C5orf24: variants seen among roughly 807,000 people sequenced by gnomAD.
C5orf24 encodes UPF0461 protein C5orf24.
In C5orf24, 4 loss-of-function variants were observed where a neutral mutation model predicts 9.8. The ratio of observed to expected loss-of-function variants is 0.41; its 90% CI spans 0.20 to 0.93. C5orf24 has a LOEUF of 0.93. C5orf24 is among the 40% of genes least tolerant of loss of function. The pLI, the probability that C5orf24 is intolerant of heterozygous loss-of-function variation, is 0.33. For missense variants in C5orf24, 170 were observed against 236.9 expected (o/e 0.72, Z 1.85); for synonymous variants, 73 against 81.3 (o/e 0.90, Z 0.55).
chr5:134,842,494 GAA>G (rs34006309), upstream of C5orf24, among the ~76,000 whole-genome samples: 6 of 128,260 alleles, frequency 4.7e-5, no homozygotes, highest in East Asian at 4.4e-4. Flanking sequence ...GACTCCATCT[GAA>G]AAAAAAAAAA....
chr5:134,854,476 CAGG>C lies in C5orf24; in HGVS notation c.-3-418_-3-416del, dbSNP rs1197865385. Among the ~76,000 whole-genome samples, 6 of 152,184 alleles carry C rather than the reference CAGG, an allele frequency of 3.9e-5. No homozygotes were observed. The East Asian group carries it at 5.8e-4, about 15-fold the overall frequency. On this transcript the variant is annotated intron_variant, in intron 1 of 1. Coordinates refer to ENST00000394976, the MANE Select transcript of C5orf24 (RefSeq NM_001135586.1). ...TGTGAGAAATACAATAAAAGGCCAA[CAGG>C]AGGCATTCTAAGAACATCAGGCAAA...
the C5orf24 span, among the ~76,000 whole-genome samples, chr5:134,838,193 A>C: frequency 6.6e-6 from 1 of 152,192 alleles, no homozygotes; most frequent in Non-Finnish European, 1.5e-5. Flanking sequence ...TTATATAATC[A>C]CTATTTATCA....
At chr5:134,841,627 T>C (rs945181116), upstream of C5orf24, among the ~76,000 whole-genome samples, 1 of 152,130 alleles carries the variant, frequency 6.6e-6, no homozygotes, top group Non-Finnish European at 1.5e-5. Flanking sequence ...ATTATCCTCA[T>C]GTGTTGTAAG....
At chr5:134,844,537 ATCTC>A (rs1755945506), upstream of C5orf24, among the ~76,000 whole-genome samples, 1 of 151,948 alleles carries the variant, frequency 6.6e-6, no homozygotes, top group Admixed American at 6.6e-5. Context: ...TAGAGACAGA[ATCTC>A]TCTATATTGT....
At chr5:134,845,841 C>G (rs1018663479), upstream of C5orf24, 2 of 152,318 alleles carry the variant, frequency 1.3e-5, no homozygotes, top group Non-Finnish European at 2.9e-5. Context: ...CCACGACGCG[C>G]AAGCGCAGCC....
chr5:134,847,938 A>G (rs1446081882), intron 1 of C5orf24, among the ~76,000 whole-genome samples: 1 of 152,164 alleles, frequency 6.6e-6, no homozygotes, highest in African/African-American at 2.4e-5. Context: ...CCCGACCTCA[A>G]CTGATCTGCC....
rs1213991421 is a variant in C5orf24 at position 134,846,204 on chromosome 5, G to C, written c.-12G>C. 3.9e-5 allele frequency: 6 copies of C among 152,312 alleles called. No homozygotes were observed. Among genetic ancestry groups the C allele is most frequent in the African/African-American group, 1.4e-4 (6 of 41,436 alleles). 9.4% of individuals were successfully genotyped at this position (152,312 alleles called of 1,614,324 possible). A position where few individuals can be genotyped will look rare whatever the true frequency, so the allele number is the denominator to read the frequency against. On this transcript the variant is annotated 5_prime_UTR_variant, in exon 1 of 2. Transcript: ENST00000394976. ...GACGCGCCGAGGGGCCGGGCTACGA[G>C]CGGCTGAGGTAGGTAGGGGTGCGCG... is the stretch of plus-strand genomic sequence containing the variant.
At chr5:134,833,905 A>G in the C5orf24 span, among the ~76,000 whole-genome samples, 55 of 152,302 alleles carry the variant, frequency 3.6e-4, no homozygotes, top group Non-Finnish European at 6.3e-4. Flanking sequence ...AAATATGGCA[A>G]CAACTTACAG....
chr5:134,843,957 A>G (rs957513678), upstream of C5orf24, among the ~76,000 whole-genome samples: 1 of 152,220 alleles, frequency 6.6e-6, no homozygotes, highest in Admixed American at 6.5e-5. Context: ...TGGTGGAGCA[A>G]TGACTTGCCC....
upstream of C5orf24, among the ~76,000 whole-genome samples, chr5:134,841,914 A>T (rs549036725): frequency 6.6e-6 from 1 of 152,328 alleles, no homozygotes; most frequent in East Asian, 1.9e-4. Context: ...CACCTTATAG[A>T]GTCAAGTGGA....
At chr5:134,834,754 CAAAA>C in the C5orf24 span, among the ~76,000 whole-genome samples, 1 of 151,594 alleles carries the variant, frequency 6.6e-6, no homozygotes, top group Admixed American at 6.6e-5. Flanking sequence ...CTGTCTCTAT[CAAAA>C]CTACAAGGCC....
chr5:134,852,172 C>T (rs1404214005), intron 1 of C5orf24, among the ~76,000 whole-genome samples: 1 of 152,216 alleles, frequency 6.6e-6, no homozygotes, highest in African/African-American at 2.4e-5. Context: ...AATCTCCTGA[C>T]TTTGTGATCC....
At chr5:134,850,229 A>G (rs997735872) in intron 1 of C5orf24, among the ~76,000 whole-genome samples, 3 of 151,572 alleles carry the variant, frequency 2.0e-5, no homozygotes, top group African/African-American at 4.9e-5. Context: ...GCTCACTGCA[A>G]CCTCCTCCTC....
chr5:134,838,920 C>A, the C5orf24 span, among the ~76,000 whole-genome samples: 5 of 151,862 alleles, frequency 3.3e-5, no homozygotes, highest in Admixed American at 2.6e-4. Flanking sequence ...CTCATTAAGA[C>A]CAATCTGGCC....
chr5:134,857,527 T>G lies in C5orf24; in HGVS notation c.*2060T>G. 8.4e-7 allele frequency: 1 copy of G among 1,186,802 alleles called. No homozygotes were observed. Among genetic ancestry groups the G allele is most frequent in the Non-Finnish European group, 1.1e-6 (1 of 908,298 alleles). 73.5% of individuals were successfully genotyped at this position (1,186,802 alleles called of 1,614,324 possible). A position where few individuals can be genotyped will look rare whatever the true frequency, so the allele number is the denominator to read the frequency against. Reference sequence around the variant, plus strand: ...GCTTTGCACAAACCATAGAGAACGATGTTGGATGGTTACATAATCAGTTAT... The same window carrying G: ...GCTTTGCACAAACCATAGAGAACGAGGTTGGATGGTTACATAATCAGTTAT... On this transcript the variant is annotated 3_prime_UTR_variant, in exon 2 of 2. Coordinates refer to ENST00000394976, the MANE Select transcript of C5orf24 (RefSeq NM_001135586.1).
intron 1 of C5orf24, among the ~76,000 whole-genome samples, chr5:134,847,628 T>C (rs1347093766): frequency 6.6e-6 from 1 of 152,100 alleles, no homozygotes; most frequent in African/African-American, 2.4e-5. Flanking sequence ...CTTTAACCTT[T>C]GATAGTCTAC....
chr5:134,845,524 G>C (rs1755966874), upstream of C5orf24, among the ~76,000 whole-genome samples: 1 of 152,216 alleles, frequency 6.6e-6, no homozygotes, highest in African/African-American at 2.4e-5. Context: ...TGTGATTATG[G>C]AATAATGAAT....
At chr5:134,835,020 G>A in the C5orf24 span, among the ~76,000 whole-genome samples, 1 of 150,952 alleles carries the variant, frequency 6.6e-6, no homozygotes, top group Non-Finnish European at 1.5e-5. Flanking sequence ...CTTCAGCCTG[G>A]ATAACAGAGC....
At chr5:134,850,434 A>T (rs1481789755) in intron 1 of C5orf24, among the ~76,000 whole-genome samples, 1 of 149,830 alleles carries the variant, frequency 6.7e-6, no homozygotes, top group Non-Finnish European at 1.5e-5. Context: ...GGCGTGAACC[A>T]CCATGGCTGG....
Sources: gnomAD v4.1 joint callset for allele counts (sites outside exome capture counted in the v4.1 genomes callset) on GRCh38, gnomAD v4.1.1 for gene constraint, MANE v1.5 for transcripts, NCBI Gene and HGNC (gene_info 2026-07-23, HGNC 2026-07-21) for gene names.